Variants in CDH3 observed in about 807,000 individuals in gnomAD.
The protein encoded by CDH3 is cadherin-3.
A neutral mutation model predicts 82.0 loss-of-function variants in CDH3; 54 were observed. The observed-to-expected ratio is 0.66, with a 90% CI of 0.53 to 0.83. CDH3 has a LOEUF of 0.83. CDH3 is among the 40% of genes least tolerant of loss of function. The pLI is 0.00. For synonymous variants in CDH3, 446 were observed against 437.9 expected (o/e 1.02, Z -0.23); for missense variants, 1,054 against 1,084.6 (o/e 0.97, Z 0.40).
intron 15 of CDH3, chr16:68,697,943 G>C: frequency 1.6e-6 from 1 of 608,466 alleles, no homozygotes; most frequent in Non-Finnish European, 2.9e-6. Context: ...CTAGTGTGTG[G>C]TGTGAGTTCT....
intron 1 of CDH3, among the ~76,000 whole-genome samples, chr16:68,719,076 C>G (rs1962128758): frequency 6.6e-6 from 1 of 151,916 alleles, no homozygotes; most frequent in South Asian, 2.1e-4. Flanking sequence ...AACCCCGTCT[C>G]TACTAAAAAT....
downstream of CDH3, among the ~76,000 whole-genome samples, chr16:68,730,249 G>T (rs1456549046): frequency 6.9e-6 from 1 of 144,606 alleles, no homozygotes; most frequent in Non-Finnish European, 1.5e-5. Context: ...AAAAAAAGCC[G>T]GGCACGGTGG....
intron 2 of CDH3, among the ~76,000 whole-genome samples, chr16:68,646,385 G>T (rs1960063803): frequency 6.6e-6 from 1 of 152,174 alleles, no homozygotes; most frequent in Non-Finnish European, 1.5e-5. Flanking sequence ...CTGGGGCCTG[G>T]GATGCTAGGT....
intron 2 of CDH3, among the ~76,000 whole-genome samples, chr16:68,654,216 T>C (rs1224733817): frequency 3.3e-5 from 5 of 149,462 alleles, no homozygotes; most frequent in Non-Finnish European, 5.9e-5. Flanking sequence ...TGTGCCACCA[T>C]GCCCAGCTAA....
chr16:68,716,620 CAAA>C (rs563385107), intron 1 of CDH3, among the ~76,000 whole-genome samples: 64 of 103,162 alleles, frequency 6.2e-4, no homozygotes, highest in African/African-American at 2.4e-3. Flanking sequence ...GACTCCGGCT[CAAA>C]AAAAAAAAAA....
At chr16:68,723,836 G>A (rs142840254) in intron 2 of CDH3, among the ~76,000 whole-genome samples, 7,276 of 152,096 alleles carry the variant, frequency 0.048, 390 homozygotes, top group African/African-American at 0.13. Flanking sequence ...TTGGGAGGCC[G>A]AGGTGGGTGG....
At chr16:68,653,771 G>A (rs1432503041) in intron 2 of CDH3, among the ~76,000 whole-genome samples, 4 of 147,014 alleles carry the variant, frequency 2.7e-5, no homozygotes. Context: ...CTCACTGCAA[G>A]CTCCGCCTCC....
intron 6 of CDH3, among the ~76,000 whole-genome samples, chr16:68,679,577 C>T (rs1342996495): frequency 6.6e-6 from 1 of 151,444 alleles, no homozygotes; most frequent in Non-Finnish European, 1.5e-5. Flanking sequence ...CACTTGTAAT[C>T]CCAGCCACTC....
chr16:68,653,228 ATTATT>A (rs1003560013), intron 2 of CDH3, among the ~76,000 whole-genome samples: 2 of 148,270 alleles, frequency 1.3e-5, no homozygotes, highest in Non-Finnish European at 3.0e-5. Flanking sequence ...TAATTTTTCA[ATTATT>A]TTATTTTATT....
chr16:68,710,702 A>G, intron 1 of CDH3, among the ~76,000 whole-genome samples: 1 of 150,792 alleles, frequency 6.6e-6, no homozygotes, highest in East Asian at 2.0e-4. Context: ...AAATTAGCCG[A>G]GTGTGGTGGC....
intron 1 of CDH3, among the ~76,000 whole-genome samples, chr16:68,719,750 T>G (rs28855765): frequency 6.6e-6 from 1 of 152,058 alleles, no homozygotes; most frequent in African/African-American, 2.4e-5. Flanking sequence ...CCGCCCATCT[T>G]GGCCTCCCAA....
At chr16:68,716,192 C>T (rs555737367) in intron 1 of CDH3, among the ~76,000 whole-genome samples, 9 of 149,966 alleles carry the variant, frequency 6.0e-5, no homozygotes, top group Non-Finnish European at 1.2e-4. Context: ...CACTTGAACC[C>T]GGGAGGCGGA....
At chr16:68,724,296 TTAGACTA>T (rs371048852) in intron 2 of CDH3, among the ~76,000 whole-genome samples, 4 of 151,578 alleles carry the variant, frequency 2.6e-5, no homozygotes, top group African/African-American at 9.7e-5. Flanking sequence ...TGAAGGGAAT[TTAGACTA>T]TATAGACTTT....
intron 14 of CDH3, 101 bp downstream of exon 14, chr16:68,695,486 G>A: frequency 8.1e-7 from 1 of 1,227,748 alleles, no homozygotes; most frequent in Non-Finnish European, 1.2e-6. Context: ...TGTTGACCAG[G>A]CCCTGGCATG....
At chr16:68,705,838 G>C (rs1961954183) in intron 1 of CDH3, among the ~76,000 whole-genome samples, 1 of 151,674 alleles carries the variant, frequency 6.6e-6, no homozygotes, top group Non-Finnish European at 1.5e-5. Flanking sequence ...GGCCAAGGCA[G>C]GTGGATCACG....
At chr16:68,700,535 G>A (rs1410861718), downstream of CDH3, among the ~76,000 whole-genome samples, 1 of 152,222 alleles carries the variant, frequency 6.6e-6, no homozygotes, top group Non-Finnish European at 1.5e-5. Flanking sequence ...TGGGCACCAT[G>A]GCTCACGCCT....
downstream of CDH3, among the ~76,000 whole-genome samples, chr16:68,701,090 C>T (rs960281532): frequency 6.6e-6 from 1 of 152,138 alleles, no homozygotes. Flanking sequence ...GAAACTCTAT[C>T]TTCAGCAGAG....
At chr16:68,646,059 C>T in intron 2 of CDH3, 2 of 425,050 alleles carry the variant, frequency 4.7e-6, no homozygotes, top group Non-Finnish European at 8.6e-6. Flanking sequence ...CCGCTGGCCC[C>T]AGCAGAGGAA....
intron 1 of CDH3, among the ~76,000 whole-genome samples, chr16:68,716,441 C>T (rs960448096): frequency 1.5e-4 from 22 of 151,204 alleles, no homozygotes; most frequent in African/African-American, 3.9e-4. Flanking sequence ...GGCAACATAT[C>T]GAGACCCTCA....
Sources: allele counts gnomAD v4.1 joint callset (sites outside exome capture counted in the v4.1 genomes callset), GRCh38; gene constraint gnomAD v4.1.1; transcripts MANE v1.5; gene names NCBI Gene and HGNC (gene_info 2026-07-23, HGNC 2026-07-21).